TANC2: variants seen among roughly 807,000 people sequenced by gnomAD.
TANC2 encodes tetratricopeptide repeat, ankyrin repeat and coiled-coil containing 2.
A neutral mutation model predicts 210.5 loss-of-function variants in TANC2; 26 were observed. That is an observed-to-expected ratio of 0.12 (90% CI 0.09 to 0.17). TANC2 has a LOEUF of 0.17. Among genes scored for constraint, TANC2 ranks in the 10% least tolerant of loss-of-function variants. TANC2 has a pLI of 1.00. For synonymous variants in TANC2, 931 were observed against 967.1 expected, an observed-to-expected ratio of 0.96 and a Z score of 0.69; for missense variants, 2,129 against 2,608.9, an observed-to-expected ratio of 0.82 and a Z score of 4.01.
chr17:63,420,898 C>T lies in TANC2; in HGVS notation c.5168C>T (p.Ser1723Leu). The change falls in exon 28 of 28, where the codon TCA becomes TTA. Residue 1723 changes from serine (S) to leucine (L), a missense_variant. Physicochemically the swap from Ser to Leu is moderately radical, Grantham distance 145. Around this residue, in one of 5 missense-constraint regions of TANC2, gnomAD observed 584 missense variants for 627.3 expected, o/e 0.93. Transcript: ENST00000689528. This position sits in a 1 kb window ranked among gnomAD's most constrained non-coding sequence, Gnocchi z 4.2. ...GGAGCCTATGGCCAAGTAGCCCATT[C>T]AATGGCCAGTAAATACCAGTCTTCA... 6.2e-7 allele frequency: 1 copy of T among 1,614,008 alleles called. No homozygotes were observed. Among genetic ancestry groups the T allele is most frequent in the Non-Finnish European group, 8.5e-7 (1 of 1,179,886 alleles).
intron 4 of TANC2, among the ~76,000 whole-genome samples, chr17:63,147,483 G>A (rs1671083345): frequency 6.6e-6 from 1 of 152,128 alleles, no homozygotes; most frequent in Non-Finnish European, 1.5e-5. Flanking sequence ...GTTTGCATGT[G>A]GTGTTCGTGG....
At chr17:63,155,258 A>T (rs2039796917) in intron 5 of TANC2, 1 of 152,106 alleles carries the variant, frequency 6.6e-6, no homozygotes, top group Admixed American at 6.6e-5. Flanking sequence ...TAGGATTGTT[A>T]CAGAGATTAA....
chr17:63,412,738 G>T lies in TANC2; in HGVS notation c.3928+29G>T. The T allele has an allele frequency of 6.5e-7, 1 of 1,535,578 alleles. No homozygotes were observed. Among genetic ancestry groups the T allele is most frequent in the Non-Finnish European group, 8.7e-7 (1 of 1,146,804 alleles). On this transcript the variant is annotated intron_variant, in intron 24 of 27. Coordinates refer to ENST00000689528, the Ensembl canonical transcript of TANC2. This position sits in a 1 kb window ranked among gnomAD's most constrained non-coding sequence, Gnocchi z 4.2. ...TATTTCACCGCTGTCAGCATCAGGC[G>T]TGGTCTGATGGCTTGGTCAGCTTTG...
chr17:63,098,478 ACATACACTCT>A (rs1408233386), intron 3 of TANC2, among the ~76,000 whole-genome samples: 552 of 30,860 alleles, frequency 0.018, 20 homozygotes, highest in African/African-American at 0.083. Context: ...ACACACACAC[ACATACACTCT>A]CTCTCTCTCT....
At chr17:63,397,211 G>A (rs1203085873) in intron 18 of TANC2, among the ~76,000 whole-genome samples, 1 of 152,114 alleles carries the variant, frequency 6.6e-6, no homozygotes, top group East Asian at 1.9e-4. Flanking sequence ...GGAGGTGGAG[G>A]TTGCAGTGAG....
chr17:63,163,864 C>T (rs2040112256), intron 5 of TANC2, among the ~76,000 whole-genome samples: 1 of 152,154 alleles, frequency 6.6e-6, no homozygotes, highest in Admixed American at 6.5e-5. Context: ...AAGATAGTAA[C>T]TGGGTATAGT....
chr17:63,093,960 C>T (rs1460295870), intron 3 of TANC2, among the ~76,000 whole-genome samples: 1 of 152,012 alleles, frequency 6.6e-6, no homozygotes, highest in Non-Finnish European at 1.5e-5. Context: ...TTGTAGTTTT[C>T]AGAGTACATG....
In TANC2 at chr17:63,060,346, C is replaced by T. The variant is rs150917145; in HGVS notation, c.68-13597C>T. On this transcript the variant is annotated intron_variant, in intron 2 of 27. Transcript: ENST00000689528. Reference sequence around the variant, plus strand: ...TTTAAAAGTCCTCGTTTGGGCTGGGCGTGGTGGCCCACGCCTGTAATCCCA... The same window carrying T: ...TTTAAAAGTCCTCGTTTGGGCTGGGTGTGGTGGCCCACGCCTGTAATCCCA... 4.7e-3 allele frequency among the ~76,000 whole-genome samples: 722 copies of T among 152,322 alleles called. 9 individuals are homozygous for T. Among genetic ancestry groups the T allele is most frequent in the African/African-American group, 0.017 (686 of 41,568 alleles).
chr17:63,281,661 A>G (rs1378055191), intron 9 of TANC2, among the ~76,000 whole-genome samples: 2 of 152,086 alleles, frequency 1.3e-5, no homozygotes, highest in Non-Finnish European at 2.9e-5. Flanking sequence ...GTATCCCAAA[A>G]ATTCAGGTCC....
chr17:63,040,570 G>A (rs2035147794), intron 2 of TANC2, among the ~76,000 whole-genome samples: 2 of 152,096 alleles, frequency 1.3e-5, no homozygotes, highest in African/African-American at 4.8e-5. Flanking sequence ...ATCCTGTGCT[G>A]ATTTGTAACC....
At chr17:63,063,549 T>TA (rs2036075416) in intron 2 of TANC2, among the ~76,000 whole-genome samples, 1 of 98,658 alleles carries the variant, frequency 1.0e-5, no homozygotes, top group South Asian at 2.9e-4. Context: ...TGTGTGTGTG[T>TA]GTGTGTGTGT....
In TANC2 at chr17:63,418,762, C is replaced by T. The variant is rs1462734688; in HGVS notation, c.4268+355C>T. Among the ~76,000 whole-genome samples, 1 of 152,208 alleles carries T rather than the reference C, an allele frequency of 6.6e-6. No homozygotes were observed. Among genetic ancestry groups the T allele is most frequent in the East Asian group, 1.9e-4 (1 of 5,200 alleles). ...AAATCACTTAAGCAGAGCACCCCAC[C>T]CCCGCTTTAGAGGGAAAGTAGGATG... On this transcript the variant is annotated intron_variant, in intron 27 of 27. Transcript: ENST00000689528. This position sits in a 1 kb window ranked among gnomAD's most constrained non-coding sequence, Gnocchi z 4.6.
chr17:63,006,732 A>G (rs1200664348), intron 1 of TANC2, among the ~76,000 whole-genome samples: 1 of 152,052 alleles, frequency 6.6e-6, no homozygotes, highest in Admixed American at 6.6e-5. Context: ...AAATTTGCTT[A>G]TATATATTCA....
At chr17:63,045,107 A>G (rs2035328461) in intron 2 of TANC2, among the ~76,000 whole-genome samples, 1 of 152,216 alleles carries the variant, frequency 6.6e-6, no homozygotes, top group African/African-American at 2.4e-5. Flanking sequence ...ACATTACAAA[A>G]AATTCAAATC....
At chr17:63,379,901 C>A in intron 15 of TANC2, 75 bp downstream of exon 15, 1 of 1,251,426 alleles carries the variant, frequency 8.0e-7, no homozygotes, top group Non-Finnish European at 1.1e-6. Context: ...GAGACTATTT[C>A]AGTGTAGTCC....
intron 2 of TANC2, among the ~76,000 whole-genome samples, chr17:63,031,933 G>C (rs944014557): frequency 9.2e-5 from 14 of 152,146 alleles, no homozygotes; most frequent in Non-Finnish European, 2.9e-5. Flanking sequence ...AGCCTACATA[G>C]CAGTTAGCCA....
At chr17:63,125,409 T>C (rs1284616098) in intron 4 of TANC2, among the ~76,000 whole-genome samples, 2 of 152,240 alleles carry the variant, frequency 1.3e-5, no homozygotes, top group African/African-American at 4.8e-5. Flanking sequence ...TTTCCTTTTT[T>C]TCTTTGTTGA....
At chr17:63,306,337 A>G (rs779905162) in intron 9 of TANC2, among the ~76,000 whole-genome samples, 24 of 152,218 alleles carry the variant, frequency 1.6e-4, no homozygotes, top group Non-Finnish European at 2.9e-4. Context: ...TGATATAATG[A>G]CACCCTGATA....
chr17:63,180,948 T>C (rs1236824434), intron 5 of TANC2, among the ~76,000 whole-genome samples: 3 of 135,980 alleles, frequency 2.2e-5, no homozygotes, highest in Non-Finnish European at 3.0e-5. Flanking sequence ...TGCTTGAACC[T>C]GAGAGGCAGA....
Sources: gnomAD v4.1 joint callset for allele counts (sites outside exome capture counted in the v4.1 genomes callset) on GRCh38, gnomAD v4.1.1 for gene constraint, gnomAD v4.1.1 regional missense constraint, Gnocchi (gnomAD v3.1) non-coding constraint, MANE v1.5 for transcripts, NCBI Gene and HGNC (gene_info 2026-07-23, HGNC 2026-07-21) for gene names.